The following SAXO1 variants were observed in gnomAD, a reference collection of about 807,000 sequenced individuals.
SAXO1 encodes 4930500O09Rik.
Under a neutral mutation model 17.5 loss-of-function variants are expected in SAXO1, and 21 were observed. That is an observed-to-expected ratio of 1.20 (90% CI 0.85 to 1.72). The LOEUF is 1.72. Ranked by LOEUF, SAXO1 falls within the 40% of genes most tolerant of loss-of-function variation. The pLI is 0.00. For missense variants in SAXO1, 843 were observed against 596.0 expected (o/e 1.41, Z -4.32); for synonymous variants, 274 against 216.5 (o/e 1.27, Z -2.33).
At chr9:18,952,128 G>A (rs1401272872) in intron 1 of SAXO1, among the ~76,000 whole-genome samples, 2 of 152,186 alleles carry the variant, frequency 1.3e-5, no homozygotes, top group East Asian at 1.9e-4. Flanking sequence ...AAAACTAAGT[G>A]AAGGCATTTT....
At chr9:18,974,614 CAG>C (rs1200740083) in intron 1 of SAXO1, among the ~76,000 whole-genome samples, 3 of 152,140 alleles carry the variant, frequency 2.0e-5, no homozygotes, top group East Asian at 1.9e-4. Flanking sequence ...GGAGCTCAAA[CAG>C]GGAATAATTT....
chr9:18,983,616 G>A (rs1226269048), intron 1 of SAXO1, among the ~76,000 whole-genome samples: 2 of 152,176 alleles, frequency 1.3e-5, no homozygotes, highest in African/African-American at 4.8e-5. Context: ...GTTTTATCAT[G>A]AGAGTGCAGT....
intron 1 of SAXO1, among the ~76,000 whole-genome samples, chr9:19,016,353 T>C (rs1476047414): frequency 6.6e-6 from 1 of 152,190 alleles, no homozygotes; most frequent in East Asian, 1.9e-4. Flanking sequence ...GAAGAATCGC[T>C]TGAACCCAGG....
chr9:18,968,095 C>A (rs1832799646), intron 1 of SAXO1, among the ~76,000 whole-genome samples: 1 of 152,218 alleles, frequency 6.6e-6, no homozygotes, highest in Non-Finnish European at 1.5e-5. Context: ...TAACCAGTCC[C>A]AATGAGACTA....
At chr9:19,027,869 G>C in intron 1 of SAXO1, 1 of 1,381,686 alleles carries the variant, frequency 7.2e-7, no homozygotes, top group East Asian at 2.3e-5. Flanking sequence ...GCTACGCTAG[G>C]GCGGCCTGGA....
chr9:18,982,792 T>G (rs1031233158), intron 1 of SAXO1, among the ~76,000 whole-genome samples: 2 of 152,250 alleles, frequency 1.3e-5, no homozygotes, highest in Non-Finnish European at 1.5e-5. Flanking sequence ...AATCTTACCT[T>G]AATTCATTCA....
intron 1 of SAXO1, among the ~76,000 whole-genome samples, chr9:19,004,722 T>C (rs1834419542): frequency 6.6e-6 from 1 of 151,262 alleles, no homozygotes; most frequent in Non-Finnish European, 1.5e-5. Context: ...TGTTGTGGAG[T>C]AGGGGGCAAG....
chr9:19,000,510 G>C (rs1296373331), intron 1 of SAXO1, among the ~76,000 whole-genome samples: 1 of 151,344 alleles, frequency 6.6e-6, no homozygotes, highest in Non-Finnish European at 1.5e-5. Context: ...TGGGAAGTGA[G>C]GGGTGCCTCT....
At chr9:18,944,626 T>C (rs1181627300) in intron 2 of SAXO1, among the ~76,000 whole-genome samples, 1 of 152,040 alleles carries the variant, frequency 6.6e-6, no homozygotes, top group Non-Finnish European at 1.5e-5. Context: ...AGTTATAGAG[T>C]AGGGAAGGCC....
At chr9:19,046,130 A>G (rs34395443) in intron 1 of SAXO1, among the ~76,000 whole-genome samples, 1 of 151,484 alleles carries the variant, frequency 6.6e-6, no homozygotes, top group Admixed American at 6.6e-5. Flanking sequence ...ACATACAAAC[A>G]AAAGAAACTT....
At position 19,033,170 on chromosome 9, in the gene SAXO1, G is replaced by T; in HGVS notation, c.-262C>A. The T allele has an allele frequency of 2.4e-6, 1 of 420,876 alleles. No individual in the cohort carries two copies. Among genetic ancestry groups the T allele is most frequent in the Non-Finnish European group, 4.2e-6 (1 of 236,900 alleles). 26.1% of individuals were successfully genotyped at this position (420,876 alleles called of 1,614,324 possible). A position where few individuals can be genotyped will look rare whatever the true frequency, so the allele number is the denominator to read the frequency against. On this transcript the variant is annotated 5_prime_UTR_variant, in exon 1 of 4. Transcript: ENST00000380534. ...CCTCACCCTGCACGCCACCGCCCCG[G>T]CCTCCGCAGTCCAGACTTAAGCACC...
At chr9:18,945,088 CT>C (rs139341761) in intron 2 of SAXO1, among the ~76,000 whole-genome samples, 221 of 152,262 alleles carry the variant, frequency 1.5e-3, no homozygotes, top group African/African-American at 5.0e-3. Context: ...TACCTCCCAT[CT>C]TTAAAGGTAA....
At chr9:18,945,328 C>G (rs1831745991) in intron 2 of SAXO1, among the ~76,000 whole-genome samples, 3 of 152,214 alleles carry the variant, frequency 2.0e-5, no homozygotes, top group South Asian at 2.1e-4. Flanking sequence ...CATCCATCCT[C>G]TCACTCAATT....
chr9:19,046,944 T>C (rs977457059), intron 1 of SAXO1, among the ~76,000 whole-genome samples: 1 of 152,178 alleles, frequency 6.6e-6, no homozygotes, highest in South Asian at 2.1e-4. Flanking sequence ...CCCAGCACTT[T>C]GGGAAGCTGA....
intron 1 of SAXO1, among the ~76,000 whole-genome samples, chr9:18,974,689 G>C (rs1833066635): frequency 6.6e-6 from 1 of 151,666 alleles, no homozygotes; most frequent in Non-Finnish European, 1.5e-5. Flanking sequence ...AGATCAATGA[G>C]TACATACTGA....
Position 18,934,619 on chromosome 9 carries a change from G to C in SAXO1, c.422-5564C>G, listed in dbSNP as rs143371306. ...TTATTCTTTGACCATATTTATAATA[G>C]CTACTTTGAAATATTTGTCTGCGAT... is the stretch of plus-strand genomic sequence containing the variant. On this transcript the variant is annotated intron_variant, in intron 3 of 3. Coordinates refer to ENST00000380534, the MANE Select transcript of SAXO1 (RefSeq NM_153707.4). Among the ~76,000 whole-genome samples, 459 of 152,140 alleles carry C rather than the reference G, an allele frequency of 3.0e-3. 4 individuals carry two copies. Among genetic ancestry groups the C allele is most frequent in the African/African-American group, 0.011 (445 of 41,464 alleles).
chr9:19,003,143 A>G (rs904816453), intron 1 of SAXO1, among the ~76,000 whole-genome samples: 2 of 152,222 alleles, frequency 1.3e-5, no homozygotes, highest in Non-Finnish European at 1.5e-5. Context: ...CCCATTCACT[A>G]TTACTACAAA....
At chr9:19,048,525 G>A (rs1303131510) in intron 1 of SAXO1, among the ~76,000 whole-genome samples, 2 of 152,140 alleles carry the variant, frequency 1.3e-5, no homozygotes, top group Non-Finnish European at 2.9e-5. Flanking sequence ...CATTCATTCT[G>A]TATGAACGAT....
chr9:18,958,018 C>T (rs1404746683), intron 1 of SAXO1, among the ~76,000 whole-genome samples: 1 of 152,118 alleles, frequency 6.6e-6, no homozygotes, highest in Non-Finnish European at 1.5e-5. Flanking sequence ...TCTCATACTC[C>T]CTACCTACAC....
Sources: allele counts gnomAD v4.1 joint callset (sites outside exome capture counted in the v4.1 genomes callset), GRCh38; gene constraint gnomAD v4.1.1; transcripts MANE v1.5; gene names NCBI Gene and HGNC (gene_info 2026-07-23, HGNC 2026-07-21).